Variants in ZAN observed in about 807,000 individuals in gnomAD.
The protein encoded by ZAN is zonadhesin.
A neutral mutation model predicts 286.2 loss-of-function variants in ZAN; 260 were observed. The observed-to-expected ratio is 0.91, with a 90% confidence interval of 0.82 to 1.01. ZAN has a LOEUF of 1.01. Ranked by LOEUF, ZAN falls within the 50% of genes least tolerant of loss-of-function variation. The probability of loss-of-function intolerance (pLI) is 0.00; values close to 1 mark genes in which losing one functional copy is unlikely to be tolerated. For missense variants in ZAN, 3,410 were observed against 3,639.2 expected (o/e 0.94, Z 1.62); for synonymous variants, 1,368 against 1,417.5 (o/e 0.97, Z 0.79).
chr7:100,776,598 T>C, intron 34 of ZAN, 34 bp downstream of exon 34: 1 of 1,470,990 alleles, frequency 6.8e-7, no homozygotes, highest in African/African-American at 1.4e-5. Context: ...AGGTTTTCTT[T>C]CTTTTTCTTT....
At chr7:100,779,057 G>T (rs75119362) in intron 34 of ZAN, among the ~76,000 whole-genome samples, 8,810 of 151,922 alleles carry the variant, frequency 0.058, 1,281 homozygotes, top group East Asian at 0.51. Context: ...CCAAAAATTA[G>T]CTAGGCATGG....
intron 37 of ZAN, 114 bp downstream of exon 37, chr7:100,786,255 T>C: frequency 6.8e-7 from 1 of 1,477,706 alleles, no homozygotes; most frequent in Non-Finnish European, 9.1e-7. Context: ...AGTCAGGGGT[T>C]GGGGCGGGCG....
At position 100,739,022 on chromosome 7, in the gene ZAN, T is replaced by C. The variant is rs577692311; in HGVS notation, c.766+409T>C. ...CCTTCTCCTTCTTCTTTTTCTTTTT[T>C]TTTTTTTGAAGCAGAGTCTCGTTCT... On this transcript the variant is annotated intron_variant, in intron 7 of 47. Coordinates refer to ENST00000613979, the MANE Select transcript of ZAN (RefSeq NM_003386.3). Among the ~76,000 whole-genome samples the C allele has an allele frequency of 9.5e-3, 642 of 67,384 alleles. 109 individuals are homozygous for C. Among genetic ancestry groups the C allele is most frequent in the Middle Eastern group, 0.028 (3 of 108 alleles). 44.2% of individuals were successfully genotyped at this position (67,384 alleles called of 152,430 possible).
chr7:100,767,616 T>C (rs1261503918), intron 25 of ZAN, among the ~76,000 whole-genome samples: 2 of 151,236 alleles, frequency 1.3e-5, no homozygotes, highest in East Asian at 1.9e-4. Context: ...GCTGCAACTA[T>C]AGGCATGCAC....
In ZAN at chr7:100,752,679, C is replaced by T; in HGVS notation, c.2574C>T (p.Thr858=). The change falls in exon 14 of 48, where the codon ACC becomes ACT. Residue 858 remains threonine (T), a synonymous_variant. Transcript: ENST00000613979. ...EKPTISTEKP[T]IPTEKPTISP... is the part of the protein sequence containing the mutation. ...CCACCATCTCCACAGAAAAACCCAC[C>T]ATCCCCACAGAAAAACCCACCATCT... is the stretch of plus-strand genomic sequence containing the variant. 1.9e-6 allele frequency: 3 copies of T among 1,580,138 alleles called. No individual in the cohort carries two copies. The highest frequency in any genetic ancestry group is 2.3e-5 in the East Asian group (1 of 43,848).
chr7:100,748,817 C>A lies in ZAN; in HGVS notation c.1249+347C>A, dbSNP rs1233693394. Among the ~76,000 whole-genome samples the A allele has an allele frequency of 4.0e-5, 6 of 151,778 alleles. No individual in the cohort carries two copies. In the East Asian group the frequency reaches 1.2e-3, roughly 30 times the overall value. On this transcript the variant is annotated intron_variant, in intron 11 of 47. Transcript: ENST00000613979. The stretch of plus-strand genomic sequence containing the variant: ...GCCGAGACGGGAAGATTGCTTGAGC[C>A]CAGGAGTCTGAGCTCAGCCTGGGCA...
chr7:100,747,554 T>C lies in ZAN; in HGVS notation c.936T>C (p.Ser312=). ...TTCCAATTCCTTTCACTGCAGGGAG[T>C]ATCCGGAAACACACTCTCTTCTCAG... ...ALHIYASVLG[S]IRKHTLFSGQ... Residue 312 remains serine, a synonymous_variant, in exon 9 of 48, where the codon AGT becomes AGC. Transcript: ENST00000613979. 3.1e-6 allele frequency: 5 copies of C among 1,613,420 alleles called. No homozygotes were observed. Among genetic ancestry groups the C allele is most frequent in the Non-Finnish European group, 4.2e-6 (5 of 1,179,726 alleles).
intron 35 of ZAN, among the ~76,000 whole-genome samples, chr7:100,782,252 T>C (rs1425847915): frequency 2.0e-5 from 3 of 152,074 alleles, no homozygotes; most frequent in African/African-American, 7.2e-5. Flanking sequence ...ATTAATCTTG[T>C]TTTATGTCTT....
chr7:100,766,073 G>A (rs535890187), intron 23 of ZAN, among the ~76,000 whole-genome samples: 3 of 151,000 alleles, frequency 2.0e-5, no homozygotes, highest in South Asian at 2.1e-4. Context: ...TGCAACCTCC[G>A]CCTCCCAGGT....
intron 31 of ZAN, among the ~76,000 whole-genome samples, chr7:100,774,716 C>T (rs538154637): frequency 7.2e-5 from 11 of 151,820 alleles, no homozygotes; most frequent in African/African-American, 2.4e-4. Context: ...GTCCCAGATA[C>T]TCTGGAGGCT....
At chr7:100,769,508 C>T (rs973452037) in intron 27 of ZAN, among the ~76,000 whole-genome samples, 2 of 147,892 alleles carry the variant, frequency 1.4e-5, no homozygotes, top group African/African-American at 2.5e-5. Flanking sequence ...CCCTTTCTTC[C>T]TTCCTTTCTT....
Position 100,759,708 on chromosome 7 carries a change from T to C in ZAN, c.3572-13T>C, listed in dbSNP as rs1306910134. The C allele has an allele frequency of 1.9e-6, 3 of 1,576,678 alleles. No individual in the cohort carries two copies. Among genetic ancestry groups the C allele is most frequent in the Admixed American group, 1.8e-5 (1 of 54,466 alleles). On this transcript the variant is annotated splice_polypyrimidine_tract_variant and intron_variant, in intron 17 of 47. Transcript: ENST00000613979. ...TGAGCCACTGGGCTCTCTTCATTCC[T>C]CTCCCTACCCAGACCCATTCTTCAG...
chr7:100,792,040 G>T lies in ZAN; in HGVS notation c.7604G>T (p.Ser2535Ile). The change falls in exon 41 of 48, where the codon AGC becomes ATC. Residue 2535 changes from serine (S) to isoleucine (I), a missense_variant. This residue lies in a region of ZAN where 1,289 missense variants were observed against 1,314.3 expected (regional missense o/e 0.98). Coordinates refer to ENST00000613979, the MANE Select transcript of ZAN (RefSeq NM_003386.3). ...ACGGGCCTCCAAGTGTCCGAATGTA[G>T]CCCGGAGCAGCTGGCGAGCAACAGC... ...LRTGLQVSEC[S>I]PEQLASNSTQ... The T allele has an allele frequency of 6.2e-7, 1 of 1,613,278 alleles. No individual in the cohort carries two copies. The highest frequency in any genetic ancestry group is 8.5e-7 in the Non-Finnish European group (1 of 1,179,796).
chr7:100,785,938 C>G, intron 36 of ZAN, 59 bp from the exon 37 acceptor site: 1 of 1,549,338 alleles, frequency 6.5e-7, no homozygotes, highest in Non-Finnish European at 8.7e-7. Flanking sequence ...GGATTACAGG[C>G]GTGAGCCGCC....
At chr7:100,775,079 C>T (rs1041487134) in intron 31 of ZAN, among the ~76,000 whole-genome samples, 1 of 152,134 alleles carries the variant, frequency 6.6e-6, no homozygotes. Flanking sequence ...AGGCACACGT[C>T]ACCACACCCT....
intron 39 of ZAN, 110 bp downstream of exon 39, chr7:100,789,457 G>T: frequency 6.6e-7 from 1 of 1,509,122 alleles, no homozygotes; most frequent in Non-Finnish European, 8.9e-7. Context: ...CCGGTAGTGG[G>T]GCACCCAGCT....
At chr7:100,753,786 T>C (rs993992667) in intron 14 of ZAN, among the ~76,000 whole-genome samples, 7 of 147,702 alleles carry the variant, frequency 4.7e-5, no homozygotes, top group African/African-American at 1.5e-4. Context: ...TGAGCCATGA[T>C]TGTGTCACTG....
intron 36 of ZAN, 87 bp from the exon 37 acceptor site, chr7:100,785,910 C>G (rs765867564): frequency 2.0e-6 from 3 of 1,484,462 alleles, no homozygotes; most frequent in Non-Finnish European, 1.8e-6. Flanking sequence ...CCACCCGTCT[C>G]GGCCTCCCAA....
chr7:100,765,379 A>G lies in ZAN; in HGVS notation c.4295A>G (p.Tyr1432Cys). The G allele has an allele frequency of 6.2e-7, 1 of 1,613,688 alleles. No homozygotes were observed. Among genetic ancestry groups the G allele is most frequent in the Non-Finnish European group, 8.5e-7 (1 of 1,179,848 alleles). Residue 1432 changes from tyrosine (Y) to cysteine (C), a missense_variant, in exon 23 of 48, where the codon TAC (tyrosine) becomes TGC (cysteine). Transcript: ENST00000613979. ...ATGGCCTGCCCGCCCAACAGCAAGT[A>G]CTCCCTGTGTGCGAAGCCATGCCCT... ...CPMACPPNSK[Y>C]SLCAKPCPDT... is the part of the protein sequence containing the mutation.
Sources: gnomAD v4.1 joint callset for allele counts (sites outside exome capture counted in the v4.1 genomes callset) on GRCh38, gnomAD v4.1.1 for gene constraint, gnomAD v4.1.1 regional missense constraint, MANE v1.5 for transcripts, NCBI Gene and HGNC (gene_info 2026-07-23, HGNC 2026-07-21) for gene names.